Variants in TMEM132B observed in about 807,000 individuals in gnomAD.
The protein encoded by TMEM132B is transmembrane protein 132B.
A neutral mutation model predicts 90.8 loss-of-function variants in TMEM132B; 18 were observed. That is an observed-to-expected ratio of 0.20 (90% CI 0.14 to 0.29). The LOEUF (loss-of-function observed/expected upper bound fraction) is 0.29. Ranked by LOEUF, TMEM132B falls within the 10% of genes least tolerant of loss-of-function variation. The pLI, the probability that TMEM132B is intolerant of heterozygous loss-of-function variation, is 1.00. For synonymous variants in TMEM132B, 504 were observed against 523.3 expected (o/e 0.96, Z 0.50); for missense variants, 1,096 against 1,326.8 (o/e 0.83, Z 2.70).
intron 3 of TMEM132B, among the ~76,000 whole-genome samples, chr12:125,484,380 C>T (rs1426034032): frequency 6.6e-6 from 1 of 152,108 alleles, no homozygotes; most frequent in East Asian, 1.9e-4. Flanking sequence ...CTTCTCTTGT[C>T]ATGAGGGTTG....
intron 1 of TMEM132B, among the ~76,000 whole-genome samples, chr12:125,269,434 G>C (rs1188354341): frequency 6.6e-6 from 1 of 152,196 alleles, no homozygotes; most frequent in Non-Finnish European, 1.5e-5. Flanking sequence ...TTTTCTTGAA[G>C]ATCAGAGAGC....
At chr12:125,194,278 G>GA (rs56023161) in intron 1 of TMEM132B, among the ~76,000 whole-genome samples, 1 of 151,816 alleles carries the variant, frequency 6.6e-6, no homozygotes, top group East Asian at 1.9e-4. Context: ...TGGTGGGGGG[G>GA]TCTTACTCAT....
chr12:125,543,747 T>C (rs943884940), intron 4 of TMEM132B, among the ~76,000 whole-genome samples: 2 of 152,214 alleles, frequency 1.3e-5, no homozygotes, highest in Non-Finnish European at 2.9e-5. Flanking sequence ...TTACACTGTT[T>C]GTGGGAATGT....
chr12:125,299,581 C>A (rs1019772906), intron 1 of TMEM132B, among the ~76,000 whole-genome samples: 1 of 152,228 alleles, frequency 6.6e-6, no homozygotes, highest in African/African-American at 2.4e-5. Flanking sequence ...TAGCCCCATG[C>A]AGCCTGTGCA....
chr12:125,578,625 A>G (rs746773666), intron 4 of TMEM132B, among the ~76,000 whole-genome samples: 1 of 152,040 alleles, frequency 6.6e-6, no homozygotes, highest in Non-Finnish European at 1.5e-5. Flanking sequence ...TTGGAAGATG[A>G]GTCTGTTAGT....
chr12:125,321,560 T>C (rs903870129), intron 1 of TMEM132B, among the ~76,000 whole-genome samples: 1 of 151,664 alleles, frequency 6.6e-6, no homozygotes, highest in Admixed American at 6.6e-5. Context: ...TCACTGCAAC[T>C]TCCACCTCCC....
intron 5 of TMEM132B, chr12:125,622,452 A>G (rs1886132492): frequency 5.1e-6 from 5 of 985,422 alleles, no homozygotes; most frequent in Non-Finnish European, 4.8e-6. Flanking sequence ...TAGAACTTTC[A>G]TAGCCAGGTT....
At chr12:125,402,694 CTG>C (rs1469445364) in intron 2 of TMEM132B, among the ~76,000 whole-genome samples, 3 of 152,192 alleles carry the variant, frequency 2.0e-5, no homozygotes, top group Admixed American at 1.3e-4. Context: ...GTAGATGCTG[CTG>C]TCATCTAAGG....
Position 125,460,137 on chromosome 12 carries a change from A to G in TMEM132B, c.1106+44460A>G, listed in dbSNP as rs1881396876. On this transcript the variant is annotated intron_variant, in intron 3 of 8. Transcript: ENST00000682704. This position sits in a 1 kb window ranked among gnomAD's most constrained non-coding sequence, Gnocchi z 4.4. The stretch of plus-strand genomic sequence containing the variant: ...ATTATGCATTGCATGCCTGTGTCAA[A>G]ACATCTCATGTACTCCATAAACACA... 6.6e-6 allele frequency among the ~76,000 whole-genome samples: 1 copy of G among 152,208 alleles called. No individual in the cohort carries two copies. The highest frequency in any genetic ancestry group is 1.5e-5 in the Non-Finnish European group (1 of 68,036).
chr12:125,623,218 T>G (rs1422987343), intron 5 of TMEM132B, among the ~76,000 whole-genome samples: 1 of 152,178 alleles, frequency 6.6e-6, no homozygotes, highest in Non-Finnish European at 1.5e-5. Flanking sequence ...ATGTTGGTGG[T>G]GCTTTTTAAA....
intron 5 of TMEM132B, among the ~76,000 whole-genome samples, chr12:125,589,471 G>C (rs1885268374): frequency 8.6e-6 from 1 of 116,568 alleles, no homozygotes; most frequent in Non-Finnish European, 1.7e-5. Flanking sequence ...GACAGAGCGA[G>C]ACTCCGTCTC....
chr12:125,377,927 G>A (rs189539818), intron 2 of TMEM132B, among the ~76,000 whole-genome samples: 31 of 152,264 alleles, frequency 2.0e-4, no homozygotes, highest in East Asian at 1.7e-3. Context: ...GGGATACAGC[G>A]CACACATACG....
intron 4 of TMEM132B, among the ~76,000 whole-genome samples, chr12:125,541,866 A>C (rs774458175): frequency 1.3e-5 from 2 of 151,634 alleles, no homozygotes; most frequent in Non-Finnish European, 2.9e-5. Context: ...AAAAAAAAAT[A>C]TATAAAAAAT....
rs1278369374 is a variant in TMEM132B, at chr12:125,658,534, G to A, written c.*3824G>A. On this transcript the variant is annotated 3_prime_UTR_variant, in exon 9 of 9. Transcript: ENST00000682704. ...ATTCTCTGTAAATGACACAATAGAT[G>A]GTTTATAGACTCAGCAGCCCTCACC... 6.6e-6 allele frequency: 1 copy of A among 152,118 alleles called. No individual in the cohort carries two copies. The allele number at this position is 152,118 out of a possible 1,614,324, so 9.4% of individuals were successfully genotyped here.
intron 3 of TMEM132B, among the ~76,000 whole-genome samples, chr12:125,496,400 T>C (rs982508695): frequency 1.3e-5 from 2 of 152,160 alleles, no homozygotes; most frequent in Admixed American, 1.3e-4. Context: ...TAAATGCCAG[T>C]TAAGTCACCA....
At chr12:125,379,456 A>G (rs1878594218) in intron 2 of TMEM132B, among the ~76,000 whole-genome samples, 1 of 152,220 alleles carries the variant, frequency 6.6e-6, no homozygotes, top group Non-Finnish European at 1.5e-5. Context: ...ACCAACAAGC[A>G]ACAGCAGATT....
At chr12:125,417,920 A>G (rs1880062281) in intron 3 of TMEM132B, among the ~76,000 whole-genome samples, 1 of 152,214 alleles carries the variant, frequency 6.6e-6, no homozygotes, top group African/African-American at 2.4e-5. Context: ...GGTTTTGACC[A>G]GCGCTAATGG....
chr12:125,355,520 T>C (rs1877737049), intron 2 of TMEM132B, among the ~76,000 whole-genome samples: 1 of 152,194 alleles, frequency 6.6e-6, no homozygotes, highest in South Asian at 2.1e-4. Flanking sequence ...TTGCAGAGGT[T>C]GTGGCTTGAC....
chr12:125,487,250 G>A (rs1435486351), intron 3 of TMEM132B, among the ~76,000 whole-genome samples: 1 of 152,210 alleles, frequency 6.6e-6, no homozygotes, highest in Non-Finnish European at 1.5e-5. Flanking sequence ...AAAATGGGAA[G>A]CAGAATGCCA....
Sources: gnomAD v4.1 joint callset for allele counts (sites outside exome capture counted in the v4.1 genomes callset) on GRCh38, gnomAD v4.1.1 for gene constraint, Gnocchi (gnomAD v3.1) non-coding constraint, MANE v1.5 for transcripts, NCBI Gene and HGNC (gene_info 2026-07-23, HGNC 2026-07-21) for gene names.